The following PPM1N variants were observed in gnomAD, a reference collection of about 807,000 sequenced individuals.
PPM1N encodes the protein probable protein phosphatase 1N.
In PPM1N, 35 loss-of-function variants were observed where a neutral mutation model predicts 32.6. The ratio of observed to expected loss-of-function variants is 1.07; its 90% confidence interval spans 0.82 to 1.43. The LOEUF (loss-of-function observed/expected upper bound fraction) is 1.43, where lower values mean the gene tolerates loss of function less well. Among genes scored for constraint, PPM1N ranks in the 40% most tolerant of loss-of-function variants. The pLI, the probability that PPM1N is intolerant of heterozygous loss-of-function variation, is 0.00. For synonymous variants in PPM1N, 275 were observed against 270.5 expected, an observed-to-expected ratio of 1.02 and a Z score of -0.16; for missense variants, 648 against 606.6, an observed-to-expected ratio of 1.07 and a Z score of -0.72.
rs1180238776 is a variant in PPM1N, at chr19:45,498,761, G to A, written c.289G>A (p.Ala97Thr). Residue 97 changes from alanine to threonine, a missense_variant, in exon 1 of 5, where the codon GCC becomes ACC. By Grantham distance (58) the Ala-to-Thr change is moderately conservative. Transcript: ENST00000451287. ...GTTACCTGGTCTGCCCCCGGGCTGG[G>A]CCTTGTTTGCCGTCCTCGACGGCCA... is the stretch of plus-strand genomic sequence containing the variant. ...LSLPGLPPGW[A>T]LFAVLDGHGG... The A allele has an allele frequency of 1.3e-6, 2 of 1,558,742 alleles. No individual in the cohort carries two copies. Among genetic ancestry groups the A allele is most frequent in the Non-Finnish European group, 1.7e-6 (2 of 1,156,818 alleles).
In PPM1N at chr19:45,499,917, C is replaced by G. The variant is rs868402305; in HGVS notation, c.940-32C>G. The G allele has an allele frequency of 2.3e-5, 35 of 1,551,998 alleles. No homozygotes were observed. In the Middle Eastern group the frequency reaches 9.1e-4, roughly 41 times the overall value. ...GGGAAGCTCTGCCTTGGACTCTCCC[C>G]CACCGGGCTCCTTTTTCTCCACCGG... On this transcript the variant is annotated intron_variant, in intron 1 of 4. Transcript: ENST00000451287.
Position 45,499,091 on chromosome 19 carries a change from GA to G in PPM1N, c.621del (p.Glu207AspfsTer113). On this transcript the variant is annotated frameshift_variant, in exon 1 of 5. Transcript: ENST00000451287. LOFTEE classifies it high-confidence loss of function. ...TEDHRPLRPR[E>X]RERIHAAGGT... ...GGACCACCGGCCCCTTCGACCCCGG[GA>G]ACGCGAGCGCATCCACGCCGCTGGC... 6.6e-7 allele frequency: 1 copy of G among 1,515,114 alleles called. No individual in the cohort carries two copies. The highest frequency in any genetic ancestry group is 8.8e-7 in the Non-Finnish European group (1 of 1,141,804). 93.9% of individuals were successfully genotyped at this position (1,515,114 alleles called of 1,614,324 possible). A position where few individuals can be genotyped will look rare whatever the true frequency, so the allele number is the denominator to read the frequency against.
At position 45,500,027 on chromosome 19, in the gene PPM1N, G is replaced by C; in HGVS notation, c.1018G>C (p.Glu340Gln). The change falls in exon 2 of 5, where the codon GAG becomes CAG. Residue 340 changes from glutamate to glutamine, a missense_variant. Glu to Gln is a conservative substitution (Grantham distance 29). Transcript: ENST00000451287. ...PRPSEEAIRR[E>Q]LALDAALGCR... ...GCCTTCTGAGGAGGCGATCAGGAGG[G>C]AGCTAGCACTGGACGCAGCCCTGGG... The C allele has an allele frequency of 6.2e-7, 1 of 1,602,734 alleles. No homozygotes were observed. Among genetic ancestry groups the C allele is most frequent in the Non-Finnish European group, 8.5e-7 (1 of 1,174,236 alleles).
chr19:45,500,777 G>C (rs1968402512), intron 4 of PPM1N, 67 bp downstream of exon 4: 1 of 1,270,724 alleles, frequency 7.9e-7, no homozygotes, highest in Non-Finnish European at 1.1e-6. Flanking sequence ...CCCTCTTAGT[G>C]ACAGGGAAAT....
intron 4 of PPM1N, among the ~76,000 whole-genome samples, chr19:45,501,407 G>A (rs1206162362): frequency 3.3e-5 from 5 of 152,174 alleles, no homozygotes; most frequent in Admixed American, 3.3e-4. Flanking sequence ...TGGGTTTAGA[G>A]CCCCAAGGCC....
chr19:45,500,697 A>C lies in PPM1N; in HGVS notation c.1211A>C (p.Glu404Ala), dbSNP rs1310866924. 6.2e-7 allele frequency: 1 copy of C among 1,601,898 alleles called. No individual in the cohort carries two copies. The highest frequency in any genetic ancestry group is 8.5e-7 in the Non-Finnish European group (1 of 1,174,498). ...EVYSQICQVS[E>A]ECGEKGQDGA... is the part of the protein sequence containing the mutation. ...TATTCTCAGATCTGCCAGGTCTCAGAAGAGTGCGGAGAGGTAAGGATCCTG... is the reference window on the plus strand; with the variant it reads ...TATTCTCAGATCTGCCAGGTCTCAGCAGAGTGCGGAGAGGTAAGGATCCTG... The change falls in exon 4 of 5, where the codon GAA (glutamate) becomes GCA (alanine). Residue 404 changes from glutamate (E) to alanine (A), a missense_variant. Glu to Ala is a moderately radical substitution (Grantham distance 107). Transcript: ENST00000451287.
rs1255093170 is a variant in PPM1N at position 45,498,601 on chromosome 19, G to A, written c.129G>A (p.Arg43=). ...EAGRRAPEGP[R]SLLTAPRRAQ... is the part of the protein sequence containing the mutation. ...GGCGCAGGGCCCCCGAAGGGCCTCG[G>A]TCTCTGTTGACAGCGCCGCGCCGCG... The change falls in exon 1 of 5, where the codon CGG becomes CGA. Residue 43 remains arginine, a synonymous_variant. Coordinates refer to ENST00000451287, the MANE Select transcript of PPM1N (RefSeq NM_001080401.2). 2 of 1,451,178 alleles carry A rather than the reference G, an allele frequency of 1.4e-6. No homozygotes were observed. The highest frequency in any genetic ancestry group is 5.7e-5 in the Admixed American group (2 of 35,004). 89.9% of individuals were successfully genotyped at this position (1,451,178 alleles called of 1,614,324 possible). A position where few individuals can be genotyped will look rare whatever the true frequency, so the allele number is the denominator to read the frequency against.
rs1480847187 is a variant in PPM1N at position 45,498,694 on chromosome 19, C to T, written c.222C>T (p.Gly74=). 2 of 1,489,840 alleles carry T rather than the reference C, an allele frequency of 1.3e-6. No homozygotes were observed. Among genetic ancestry groups the T allele is most frequent in the Non-Finnish European group, 8.9e-7 (1 of 1,122,292 alleles). The allele number at this position is 1,489,840 out of a possible 1,614,324, so 92.3% of individuals were successfully genotyped here. ...GLRFGASAAQ[G]WRARMEDAHC... is the part of the protein sequence containing the mutation. Reference sequence around the variant, plus strand: ...GCTTCGGGGCGAGCGCAGCGCAAGGCTGGCGCGCGCGCATGGAGGATGCTC... The same window carrying T: ...GCTTCGGGGCGAGCGCAGCGCAAGGTTGGCGCGCGCGCATGGAGGATGCTC... Residue 74 remains glycine (G), a synonymous_variant, in exon 1 of 5, where the codon GGC becomes GGT. Transcript: ENST00000451287.
At chr19:45,501,492 G>A (rs142320623) in intron 4 of PPM1N, among the ~76,000 whole-genome samples, 76 of 152,280 alleles carry the variant, frequency 5.0e-4, no homozygotes, top group African/African-American at 1.7e-3. Context: ...CTCAGTAGCT[G>A]AAGGAGGTAT....
rs780403111 is a variant in PPM1N at position 45,500,707 on chromosome 19, A to C, written c.1221A>C (p.Gly407=). 12 of 1,597,908 alleles carry C rather than the reference A, an allele frequency of 7.5e-6. No homozygotes were observed. The highest frequency in any genetic ancestry group is 1.1e-5 in the South Asian group (1 of 87,786). ...TCTGCCAGGTCTCAGAAGAGTGCGG[A>C]GAGGTAAGGATCCTGTGTTCTCCAG... The part of the protein sequence containing the change: ...SQICQVSEEC[G]EKGQDGAGKS... The change falls in exon 4 of 5, where the codon GGA becomes GGC. Residue 407 remains glycine (G), a synonymous_variant. Coordinates refer to ENST00000451287, the MANE Select transcript of PPM1N (RefSeq NM_001080401.2).
Position 45,498,597 on chromosome 19 carries a change from C to A in PPM1N, c.125C>A (p.Pro42His), listed in dbSNP as rs1029401785. ...GCGGGGCGCAGGGCCCCCGAAGGGC[C>A]TCGGTCTCTGTTGACAGCGCCGCGC... ...EEAGRRAPEG[P>H]RSLLTAPRRA... is the part of the protein sequence containing the mutation. Residue 42 changes from proline to histidine, a missense_variant, in exon 1 of 5, where the codon CCT becomes CAT. Transcript: ENST00000451287. 4.8e-6 allele frequency: 7 copies of A among 1,455,702 alleles called. No individual in the cohort carries two copies. The highest frequency in any genetic ancestry group is 1.5e-5 in the African/African-American group (1 of 67,238). The allele number at this position is 1,455,702 out of a possible 1,614,324, so 90.2% of individuals were successfully genotyped here.
In PPM1N at chr19:45,499,052, G is replaced by A; in HGVS notation, c.580G>A (p.Ala194Thr). The A allele has an allele frequency of 6.5e-7, 1 of 1,536,002 alleles. No homozygotes were observed. Among genetic ancestry groups the A allele is most frequent in the Non-Finnish European group, 8.7e-7 (1 of 1,152,308 alleles). Residue 194 changes from alanine (A) to threonine (T), a missense_variant, in exon 1 of 5, where the codon GCC becomes ACC. Ala to Thr is a moderately conservative substitution (Grantham distance 58). Coordinates refer to ENST00000451287, the MANE Select transcript of PPM1N (RefSeq NM_001080401.2). ...RAVLSRAGAV[A>T]FSTEDHRPLR... ...GGTGCTGAGCCGCGCTGGCGCCGTG[G>A]CCTTCAGCACAGAGGACCACCGGCC...
Position 45,498,875 on chromosome 19 carries a change from G to A in PPM1N, c.403G>A (p.Gly135Ser). The change falls in exon 1 of 5, where the codon GGC becomes AGC. Residue 135 changes from glycine to serine, a missense_variant. Physicochemically the swap from Gly to Ser is moderately conservative, Grantham distance 56. Transcript: ENST00000451287. ...ELGPEPSEPE[G>S]VREALRRAFL... is the part of the protein sequence containing the mutation. The stretch of plus-strand genomic sequence containing the variant: ...GGGCCCGGAGCCTAGCGAGCCCGAG[G>A]GCGTGCGCGAGGCGCTGCGCCGAGC... The A allele has an allele frequency of 6.6e-7, 1 of 1,517,676 alleles. No individual in the cohort carries two copies. Among genetic ancestry groups the A allele is most frequent in the Non-Finnish European group, 8.8e-7 (1 of 1,142,684 alleles). The allele number at this position is 1,517,676 out of a possible 1,614,324, so 94.0% of individuals were successfully genotyped here. A position where few individuals can be genotyped will look rare whatever the true frequency, so the allele number is the denominator to read the frequency against.
At chr19:45,500,414 C>T (rs1433655613) in intron 2 of PPM1N, 42 bp from the exon 3 acceptor site, 9 of 1,529,132 alleles carry the variant, frequency 5.9e-6, no homozygotes, top group Middle Eastern at 1.8e-4. Flanking sequence ...GGATTACAGG[C>T]GTGCGCCACT....
At chr19:45,499,767 TTC>T in intron 1 of PPM1N, 180 bp from the exon 2 acceptor site, 2 of 1,509,862 alleles carry the variant, frequency 1.3e-6, no homozygotes, top group Non-Finnish European at 1.8e-6. Context: ...AAAGGCATTG[TTC>T]TCTCAATTGG....
rs1968341811 is a variant in PPM1N, at chr19:45,498,531, A to T, written c.59A>T (p.Glu20Val). The change falls in exon 1 of 5, where the codon GAG becomes GTG. Residue 20 changes from glutamate to valine, a missense_variant. Physicochemically the swap from Glu to Val is moderately radical, Grantham distance 121 (BLOSUM62 -2). Coordinates refer to ENST00000451287, the MANE Select transcript of PPM1N (RefSeq NM_001080401.2). ...CTCTGGACCGCTTGCAAGAAAAAGG[A>T]GAGGGAGAAGGAGGGGAGGGAGGAA... ...RLLWTACKKK[E>V]REKEGREEEE... The T allele has an allele frequency of 7.0e-7, 1 of 1,426,242 alleles. No individual in the cohort carries two copies. The highest frequency in any genetic ancestry group is 3.3e-5 in the Admixed American group (1 of 29,878). The allele number at this position is 1,426,242 out of a possible 1,614,324, so 88.3% of individuals were successfully genotyped here. A position where few individuals can be genotyped will look rare whatever the true frequency, so the allele number is the denominator to read the frequency against.
At position 45,499,398 on chromosome 19, in the gene PPM1N, C is replaced by T. The variant is rs1968371343; in HGVS notation, c.926C>T (p.Thr309Met). The T allele has an allele frequency of 6.2e-7, 1 of 1,604,094 alleles. No individual in the cohort carries two copies. Among genetic ancestry groups the T allele is most frequent in the South Asian group, 1.1e-5 (1 of 89,628 alleles). ...PELLCAQLLD[T>M]CLCKGSLDNM... ...CTTCTCTGCGCGCAGCTGTTGGACA[C>T]GTGTCTGTGCAAGGTCCTGGGGGCG... Residue 309 changes from threonine (T) to methionine (M), a missense_variant, in exon 1 of 5, where the codon ACG becomes ATG. Physicochemically the swap from Thr to Met is moderately conservative, Grantham distance 81. Transcript: ENST00000451287.
intron 2 of PPM1N, 133 bp from the exon 3 acceptor site, chr19:45,500,323 C>A: frequency 1.2e-6 from 1 of 837,678 alleles, no homozygotes; most frequent in South Asian, 1.7e-5. Flanking sequence ...TTAGTATAGA[C>A]GGGGTTTCAC....
chr19:45,502,264 G>T lies in PPM1N; in HGVS notation c.*179G>T. ...CTCACAGAAAAGTCTTACGAATGGGGAAATTCCACCAACATCCAGACCAAA... is the reference window on the plus strand; with the variant it reads ...CTCACAGAAAAGTCTTACGAATGGGTAAATTCCACCAACATCCAGACCAAA... On this transcript the variant is annotated 3_prime_UTR_variant, in exon 5 of 5. Coordinates refer to ENST00000451287, the MANE Select transcript of PPM1N (RefSeq NM_001080401.2). 3.6e-6 allele frequency: 1 copy of T among 274,730 alleles called. No homozygotes were observed. Among genetic ancestry groups the T allele is most frequent in the Non-Finnish European group, 6.9e-6 (1 of 144,016 alleles). 17.0% of individuals were successfully genotyped at this position (274,730 alleles called of 1,614,324 possible).
Sources: gnomAD v4.1 joint callset for allele counts (sites outside exome capture counted in the v4.1 genomes callset) on GRCh38, gnomAD v4.1.1 for gene constraint, MANE v1.5 for transcripts, NCBI Gene and HGNC (gene_info 2026-07-23, HGNC 2026-07-21) for gene names.